CCSER1: variants seen among roughly 807,000 people sequenced by gnomAD.
CCSER1 encodes serine-rich coiled-coil domain-containing protein 1.
Under a neutral mutation model 82.0 loss-of-function variants are expected in CCSER1, and 41 were observed. The ratio of observed to expected loss-of-function variants is 0.50; its 90% confidence interval spans 0.39 to 0.65. CCSER1 has a LOEUF of 0.65. CCSER1 is among the 30% of genes least tolerant of loss of function. CCSER1 has a pLI of 0.00. For missense variants in CCSER1, 1,119 were observed against 1,064.2 expected (o/e 1.05, Z -0.72); for synonymous variants, 414 against 383.9 (o/e 1.08, Z -0.92).
chr4:90,776,453 A>C (rs1333833479), intron 7 of CCSER1, among the ~76,000 whole-genome samples: 1 of 152,226 alleles, frequency 6.6e-6, no homozygotes, highest in African/African-American at 2.4e-5. Context: ...TTTTGAACAC[A>C]AATCCTTATT....
intron 10 of CCSER1, among the ~76,000 whole-genome samples, chr4:91,492,866 G>T (rs558646559): frequency 6.6e-6 from 1 of 152,126 alleles, no homozygotes; most frequent in African/African-American, 2.4e-5. Context: ...GAAAGTACAT[G>T]ATTAGTTTAG....
intron 6 of CCSER1, among the ~76,000 whole-genome samples, chr4:90,704,763 A>T (rs573603620): frequency 3.3e-5 from 5 of 152,258 alleles, no homozygotes; most frequent in African/African-American, 4.8e-5. Flanking sequence ...CAGTTGATTG[A>T]ATTCGCTACT....
At chr4:90,922,579 A>C (rs1432152078) in intron 8 of CCSER1, among the ~76,000 whole-genome samples, 5 of 152,080 alleles carry the variant, frequency 3.3e-5, no homozygotes, top group Non-Finnish European at 5.9e-5. Context: ...AGTTACTTAA[A>C]CTTCCTAAAT....
intron 10 of CCSER1, among the ~76,000 whole-genome samples, chr4:91,135,737 G>T (rs200692356): frequency 1.4e-5 from 1 of 73,768 alleles, no homozygotes; most frequent in East Asian, 3.8e-4. Flanking sequence ...GGGAAGGAAA[G>T]GAAAAATGTT....
At chr4:91,467,147 C>T (rs1756961741) in intron 10 of CCSER1, among the ~76,000 whole-genome samples, 1 of 152,034 alleles carries the variant, frequency 6.6e-6, no homozygotes, top group East Asian at 1.9e-4. Flanking sequence ...GGTACTGGTA[C>T]CAAAACAGAG....
intron 1 of CCSER1, among the ~76,000 whole-genome samples, chr4:90,192,612 T>C (rs114926881): frequency 0.014 from 2,144 of 152,148 alleles, 62 homozygotes; most frequent in African/African-American, 0.048. Context: ...ATAGTAATTA[T>C]CATGAAGAAA....
At chr4:90,513,572 C>T (rs1171780086) in intron 5 of CCSER1, among the ~76,000 whole-genome samples, 1 of 152,102 alleles carries the variant, frequency 6.6e-6, no homozygotes, top group African/African-American at 2.4e-5. Flanking sequence ...TTTGTCCCTC[C>T]TCCCCATCTG....
chr4:90,842,017 T>G (rs528532379), intron 8 of CCSER1, among the ~76,000 whole-genome samples: 2 of 132,866 alleles, frequency 1.5e-5, no homozygotes, highest in African/African-American at 5.4e-5. Flanking sequence ...ACGTATTTAC[T>G]GATTTCTCTG....
At chr4:91,340,114 C>CA (rs974455550) in intron 10 of CCSER1, among the ~76,000 whole-genome samples, 42 of 149,590 alleles carry the variant, frequency 2.8e-4, no homozygotes, top group Admixed American at 1.7e-3. Flanking sequence ...GAGACTGTCT[C>CA]AAAAAAAACA....
At chr4:90,622,433 G>A (rs979588442) in intron 5 of CCSER1, among the ~76,000 whole-genome samples, 4 of 151,990 alleles carry the variant, frequency 2.6e-5, no homozygotes, top group African/African-American at 9.7e-5. Flanking sequence ...CCAACCCCTC[G>A]ACAGGCCCCG....
chr4:90,748,613 C>G (rs372223532), intron 7 of CCSER1, among the ~76,000 whole-genome samples: 21,767 of 147,204 alleles, frequency 0.15, 2,432 homozygotes, highest in African/African-American at 0.31. Context: ...AATCGCCACA[C>G]TGACTTCCAC....
intron 1 of CCSER1, among the ~76,000 whole-genome samples, chr4:90,223,373 A>T (rs1467034722): frequency 6.6e-6 from 1 of 152,196 alleles, no homozygotes; most frequent in East Asian, 1.9e-4. Context: ...TTTAGCATTT[A>T]TGGAAATTAC....
chr4:90,222,526 CAATATGGGAATTAG>C (rs1338167806), intron 1 of CCSER1, among the ~76,000 whole-genome samples: 1 of 152,086 alleles, frequency 6.6e-6, no homozygotes, highest in Admixed American at 6.6e-5. Flanking sequence ...TTCTAAATGA[CAATATGGGAATTAG>C]AACAAGGGAA....
At chr4:90,426,337 A>C (rs1172387390) in intron 4 of CCSER1, among the ~76,000 whole-genome samples, 1 of 152,218 alleles carries the variant, frequency 6.6e-6, no homozygotes, top group African/African-American at 2.4e-5. Context: ...AGAAAGTATA[A>C]TACTAGGCAA....
intron 9 of CCSER1, among the ~76,000 whole-genome samples, chr4:91,041,824 C>T (rs1741978912): frequency 6.6e-6 from 1 of 152,202 alleles, no homozygotes. Flanking sequence ...TCAGAAATAA[C>T]TCACATGTGC....
At chr4:91,359,023 C>CT (rs1436807386) in intron 10 of CCSER1, among the ~76,000 whole-genome samples, 11 of 152,270 alleles carry the variant, frequency 7.2e-5, no homozygotes, top group Admixed American at 3.3e-4. Flanking sequence ...CTTTATTCAG[C>CT]TGGGAGCATC....
At chr4:90,452,043 G>A (rs1349768717) in intron 4 of CCSER1, among the ~76,000 whole-genome samples, 1 of 152,088 alleles carries the variant, frequency 6.6e-6, no homozygotes, top group Non-Finnish European at 1.5e-5. Context: ...GTGCCCTCAT[G>A]AGGGCAATTA....
intron 9 of CCSER1, among the ~76,000 whole-genome samples, chr4:91,074,041 A>C (rs1721702933): frequency 6.6e-6 from 1 of 152,206 alleles, no homozygotes; most frequent in African/African-American, 2.4e-5. Context: ...GCAGGCCAGA[A>C]GTGTTTTACG....
intron 10 of CCSER1, among the ~76,000 whole-genome samples, chr4:91,280,933 T>C (rs1426180434): frequency 6.6e-6 from 1 of 152,126 alleles, no homozygotes; most frequent in Admixed American, 6.5e-5. Flanking sequence ...GTGCTATATT[T>C]GCTTAGGACT....
Sources: allele counts gnomAD v4.1 joint callset (sites outside exome capture counted in the v4.1 genomes callset), GRCh38; gene constraint gnomAD v4.1.1; transcripts MANE v1.5; gene names NCBI Gene and HGNC (gene_info 2026-07-23, HGNC 2026-07-21).